Variants in LRRC20 observed in about 807,000 individuals in gnomAD.
LRRC20 encodes the protein leucine-rich repeat-containing protein 20.
In LRRC20, 11 loss-of-function variants were observed where a neutral mutation model predicts 14.4. The observed-to-expected ratio is 0.77, with a 90% CI of 0.48 to 1.27. LRRC20 has a LOEUF of 1.27. Among genes scored for constraint, LRRC20 ranks in the 50% most tolerant of loss-of-function variants. The pLI, the probability that LRRC20 is intolerant of heterozygous loss-of-function variation, is 0.00. For missense variants in LRRC20, 219 were observed against 251.2 expected, an observed-to-expected ratio of 0.87 and a Z score of 0.87; for synonymous variants, 121 against 107.3, an observed-to-expected ratio of 1.13 and a Z score of -0.79.
In LRRC20 at chr10:70,304,477, T is replaced by G. The variant is rs1418568664; in HGVS notation, c.401-2969A>C. ...AGATATCAGGCCACTTCTTTATATA[T>G]ATATATATATATATATATATATATA... is the stretch of plus-strand genomic sequence containing the variant. On this transcript the variant is annotated intron_variant, in intron 4 of 4. Transcript: ENST00000446961. Among the ~76,000 whole-genome samples, 58 of 22,870 alleles carry G rather than the reference T, an allele frequency of 2.5e-3. 1 individual carries two copies. Among genetic ancestry groups the G allele is most frequent in the African/African-American group, 0.014 (58 of 4,150 alleles). 15.0% of individuals were successfully genotyped at this position (22,870 alleles called of 152,430 possible).
intron 2 of LRRC20, among the ~76,000 whole-genome samples, chr10:70,344,027 T>C (rs1316280513): frequency 6.6e-6 from 1 of 152,068 alleles, no homozygotes; most frequent in Non-Finnish European, 1.5e-5. Context: ...AGTGAGACCC[T>C]GTCTCTACAG....
At chr10:70,320,344 T>C (rs1248901945) in intron 4 of LRRC20, among the ~76,000 whole-genome samples, 1 of 151,932 alleles carries the variant, frequency 6.6e-6, no homozygotes, top group African/African-American at 2.4e-5. Context: ...GATAGATAGA[T>C]AGATCTGTGC....
At chr10:70,320,445 C>A (rs1283882729) in intron 4 of LRRC20, among the ~76,000 whole-genome samples, 1 of 152,156 alleles carries the variant, frequency 6.6e-6, no homozygotes, top group Non-Finnish European at 1.5e-5. Flanking sequence ...TATTTTACTG[C>A]ATTAAAAAAT....
At chr10:70,350,824 T>C (rs1291421034) in intron 2 of LRRC20, among the ~76,000 whole-genome samples, 1 of 152,196 alleles carries the variant, frequency 6.6e-6, no homozygotes, top group Admixed American at 6.5e-5. Flanking sequence ...TGAGAAGCTT[T>C]CTTCATGGAA....
intron 1 of LRRC20, 50 bp from the exon 2 acceptor site, chr10:70,376,646 AC>A: frequency 1.0e-6 from 1 of 958,312 alleles, no homozygotes; most frequent in Non-Finnish European, 1.6e-6. Flanking sequence ...CCAGGGGCCC[AC>A]CCAGGCATCC....
intron 2 of LRRC20, among the ~76,000 whole-genome samples, chr10:70,362,806 G>C (rs907692064): frequency 6.6e-6 from 1 of 152,214 alleles, no homozygotes; most frequent in Non-Finnish European, 1.5e-5. Flanking sequence ...GGTGGAGTGA[G>C]GGCAGGGGGT....
At chr10:70,336,937 A>G (rs1842740820) in intron 3 of LRRC20, among the ~76,000 whole-genome samples, 1 of 151,762 alleles carries the variant, frequency 6.6e-6, no homozygotes, top group African/African-American at 2.4e-5. Flanking sequence ...ATGGGGACCC[A>G]CTCTCTGCAG....
At chr10:70,316,874 C>G (rs546813473) in intron 4 of LRRC20, among the ~76,000 whole-genome samples, 6 of 152,260 alleles carry the variant, frequency 3.9e-5, no homozygotes, top group Non-Finnish European at 8.8e-5. Flanking sequence ...TCTGCAGACA[C>G]CAAGCAAGGG....
Position 70,334,156 on chromosome 10 carries a change from A to C in LRRC20, c.232+6397T>G, listed in dbSNP as rs529711293. The stretch of plus-strand genomic sequence containing the variant: ...CACAGCGAGACTCCATCTTAAAAAA[A>C]AAAAAAAGAAAATGTGTTTCTGACA... On this transcript the variant is annotated intron_variant, in intron 3 of 4. Coordinates refer to ENST00000446961, the MANE Select transcript of LRRC20 (RefSeq NM_001278212.2). 2.1e-3 allele frequency among the ~76,000 whole-genome samples: 325 copies of C among 152,176 alleles called. 3 individuals are homozygous for C. The highest frequency in any genetic ancestry group is 7.1e-3 in the African/African-American group (294 of 41,514).
intron 3 of LRRC20, among the ~76,000 whole-genome samples, chr10:70,331,017 C>CACT (rs1223518159): frequency 6.6e-6 from 1 of 152,192 alleles, no homozygotes; most frequent in Non-Finnish European, 1.5e-5. Flanking sequence ...TCAGAAAAGC[C>CACT]ACTTCTCCCT....
chr10:70,301,078 A>G lies in LRRC20; in HGVS notation c.*276T>C. On this transcript the variant is annotated 3_prime_UTR_variant, in exon 5 of 5. Transcript: ENST00000446961. ...AAGGGTCCTGTTTTTTTCAAGTGACAAGGCTCAGAGAGGGCAGGAGATCTG... is the reference window on the plus strand; with the variant it reads ...AAGGGTCCTGTTTTTTTCAAGTGACGAGGCTCAGAGAGGGCAGGAGATCTG... 2.4e-6 allele frequency: 3 copies of G among 1,226,454 alleles called. No individual in the cohort carries two copies. The highest frequency in any genetic ancestry group is 3.1e-6 in the Non-Finnish European group (3 of 982,822). The allele number at this position is 1,226,454 out of a possible 1,614,324, so 76.0% of individuals were successfully genotyped here.
chr10:70,318,169 G>C (rs1841939468), intron 4 of LRRC20, among the ~76,000 whole-genome samples: 1 of 152,188 alleles, frequency 6.6e-6, no homozygotes, highest in African/African-American at 2.4e-5. Context: ...TGAGAATTGA[G>C]AGCCCAGGCA....
chr10:70,352,150 A>T (rs894217976), intron 2 of LRRC20, among the ~76,000 whole-genome samples: 1 of 152,002 alleles, frequency 6.6e-6, no homozygotes, highest in East Asian at 1.9e-4. Flanking sequence ...TCAAGGTAGG[A>T]GCTGTGTCTA....
chr10:70,330,417 T>C (rs569390816), intron 3 of LRRC20, among the ~76,000 whole-genome samples: 2 of 150,934 alleles, frequency 1.3e-5, no homozygotes, highest in South Asian at 4.2e-4. Context: ...ATAAACCTGG[T>C]AGGTTTTGAG....
intron 3 of LRRC20, among the ~76,000 whole-genome samples, chr10:70,335,393 C>A (rs1296711164): frequency 6.6e-6 from 1 of 152,226 alleles, no homozygotes; most frequent in East Asian, 1.9e-4. Context: ...AGTCCGCCCG[C>A]CCGCGCCCAC....
intron 4 of LRRC20, among the ~76,000 whole-genome samples, chr10:70,314,124 A>T (rs1329278052): frequency 6.6e-6 from 1 of 152,214 alleles, no homozygotes; most frequent in African/African-American, 2.4e-5. Context: ...CACCCCCATG[A>T]TTCAATTATC....
In LRRC20 at chr10:70,311,222, ATTTTTTTT is replaced by A. The variant is rs11314061; in HGVS notation, c.401-9722_401-9715del. 2.9e-4 allele frequency among the ~76,000 whole-genome samples: 25 copies of A among 86,346 alleles called. No homozygotes were observed. The East Asian group carries it at 4.8e-3, about 17-fold the overall frequency. The allele number at this position is 86,346 out of a possible 152,430, so 56.6% of individuals were successfully genotyped here. A position where few individuals can be genotyped will look rare whatever the true frequency, so the allele number is the denominator to read the frequency against. On this transcript the variant is annotated intron_variant, in intron 4 of 4. Transcript: ENST00000446961. ...ACATCCAGGTTGTTTTCAACATTCC[ATTTTTTTT>A]TTTTTTTTTTTTTTTTGAGACAGAG... is the stretch of plus-strand genomic sequence containing the variant.
chr10:70,336,106 TATCAGG>T (rs1454016628), intron 3 of LRRC20, among the ~76,000 whole-genome samples: 4 of 152,192 alleles, frequency 2.6e-5, no homozygotes, highest in Non-Finnish European at 5.9e-5. Flanking sequence ...ACACGGCTGC[TATCAGG>T]ACTAAATGAC....
chr10:70,316,845 G>C (rs1461140378), intron 4 of LRRC20, among the ~76,000 whole-genome samples: 3 of 152,240 alleles, frequency 2.0e-5, no homozygotes, highest in Non-Finnish European at 4.4e-5. Flanking sequence ...CTCAATGCCT[G>C]GTGAGCACAA....
Sources: gnomAD v4.1 joint callset for allele counts (sites outside exome capture counted in the v4.1 genomes callset) on GRCh38, gnomAD v4.1.1 for gene constraint, MANE v1.5 for transcripts, NCBI Gene and HGNC (gene_info 2026-07-23, HGNC 2026-07-21) for gene names.